EIF2AK2: variants seen among roughly 807,000 people sequenced by gnomAD.
The protein encoded by EIF2AK2 is eukaryotic translation initiation factor 2 alpha kinase 2, also known as interferon-induced, double-stranded RNA-activated protein kinase.
A neutral mutation model predicts 70.5 loss-of-function variants in EIF2AK2; 40 were observed. The observed-to-expected ratio is 0.57, with a 90% CI of 0.44 to 0.74. The LOEUF is 0.74. EIF2AK2 is among the 30% of genes least tolerant of loss of function. The pLI is 0.00. For synonymous variants in EIF2AK2, 198 were observed against 220.9 expected (o/e 0.90, Z 0.92); for missense variants, 555 against 644.3 (o/e 0.86, Z 1.50).
In EIF2AK2 at chr2:37,107,274, T is replaced by C. The variant is rs1367065106; in HGVS notation, c.1655A>G (p.Ter552TrpextTer10). The change falls in exon 17 of 17, where the codon TAG (stop) becomes TGG (tryptophan). Residue 552 changes from the stop codon to tryptophan, a stop_lost. Transcript: ENST00000233057. ...GCAGGATACTTTTTCAGAAGGGCTCTAACATGTGTGTCGTTCATTTTTCTC... is the reference window on the plus strand; with the variant it reads ...GCAGGATACTTTTTCAGAAGGGCTCCAACATGTGTGTCGTTCATTTTTCTC... ...SPEKNERHTC[*>W] The C allele has an allele frequency of 6.2e-7, 1 of 1,611,216 alleles. No homozygotes were observed. The highest frequency in any genetic ancestry group is 8.5e-7 in the Non-Finnish European group (1 of 1,179,362).
At position 37,111,939 on chromosome 2, in the gene EIF2AK2, C is replaced by CTCTA. The variant is rs1218303490; in HGVS notation, c.1378-2645_1378-2644insTAGA. Among the ~76,000 whole-genome samples the CTCTA allele has an allele frequency of 1.9e-3, 236 of 121,664 alleles. 1 individual carries two copies. The highest frequency in any genetic ancestry group is 0.014 in the South Asian group (52 of 3,840). The allele number at this position is 121,664 out of a possible 152,430, so 79.8% of individuals were successfully genotyped here. On this transcript the variant is annotated intron_variant, in intron 14 of 16. Transcript: ENST00000233057. ...ATAATAAATCTCTCTCTCTCTCTCT[C>CTCTA]TATATATATATATATATAGATTTTG... is the stretch of plus-strand genomic sequence containing the variant.
chr2:37,111,874 AAAAAAT>A (rs1422675582), intron 14 of EIF2AK2, among the ~76,000 whole-genome samples: 7 of 43,260 alleles, frequency 1.6e-4, no homozygotes, highest in African/African-American at 5.0e-4. Flanking sequence ...AAAAAAAAAA[AAAAAAT>A]ATATATATAT....
intron 1 of EIF2AK2, among the ~76,000 whole-genome samples, chr2:37,155,831 C>T (rs1290293931): frequency 2.0e-5 from 3 of 151,570 alleles, no homozygotes; most frequent in East Asian, 1.9e-4. Context: ...GTCCCAGCTA[C>T]CTGGGAGGCT....
At chr2:37,141,107 A>T (rs1417401244) in intron 5 of EIF2AK2, among the ~76,000 whole-genome samples, 1 of 152,204 alleles carries the variant, frequency 6.6e-6, no homozygotes, top group Non-Finnish European at 1.5e-5. Flanking sequence ...GATACATGGT[A>T]TTTGTTCATT....
At chr2:37,126,157 T>G in intron 11 of EIF2AK2, 132 bp downstream of exon 11, 4 of 1,237,346 alleles carry the variant, frequency 3.2e-6, no homozygotes, top group Non-Finnish European at 4.3e-6. Flanking sequence ...CTCCTCTTGG[T>G]AGAATGAAAT....
chr2:37,138,595 A>C lies in EIF2AK2; in HGVS notation c.517-10T>G. 6.2e-7 allele frequency: 1 copy of C among 1,613,794 alleles called. No individual in the cohort carries two copies. The highest frequency in any genetic ancestry group is 1.3e-5 in the African/African-American group (1 of 75,060). ...ACAGGTAGTCAGATTTCTGAAAGAA[A>C]AAGTATCCCTTAGTAGGCTTAAATA... On this transcript the variant is annotated splice_polypyrimidine_tract_variant and intron_variant, in intron 6 of 16. Transcript: ENST00000233057.
chr2:37,155,273 C>T (rs193301271), intron 1 of EIF2AK2, among the ~76,000 whole-genome samples: 148 of 152,306 alleles, frequency 9.7e-4, no homozygotes, highest in Non-Finnish European at 1.3e-3. Context: ...ACAGGCTCTT[C>T]CACAGTGCTC....
At chr2:37,129,281 G>C (rs1674857588) in intron 10 of EIF2AK2, among the ~76,000 whole-genome samples, 1 of 152,068 alleles carries the variant, frequency 6.6e-6, no homozygotes, top group Non-Finnish European at 1.5e-5. Context: ...CACCTCTCCA[G>C]GAGTCTGTTT....
chr2:37,122,355 C>T, intron 12 of EIF2AK2, 151 bp downstream of exon 12: 2 of 901,690 alleles, frequency 2.2e-6, no homozygotes, highest in East Asian at 2.8e-5. Flanking sequence ...TCACTTTCTC[C>T]TTACCTTCGG....
chr2:37,143,464 G>A (rs928581608), intron 4 of EIF2AK2, among the ~76,000 whole-genome samples: 3 of 152,000 alleles, frequency 2.0e-5, no homozygotes, highest in African/African-American at 2.4e-5. Flanking sequence ...CTATATCCAC[G>A]GGTTTCAAAT....
intron 13 of EIF2AK2, among the ~76,000 whole-genome samples, chr2:37,118,080 G>C (rs1178916026): frequency 6.6e-6 from 1 of 152,068 alleles, no homozygotes; most frequent in East Asian, 1.9e-4. Flanking sequence ...GGCTGAGGCA[G>C]GAGGATCACT....
intron 10 of EIF2AK2, among the ~76,000 whole-genome samples, chr2:37,127,026 T>C (rs1277438719): frequency 2.7e-5 from 2 of 75,336 alleles, no homozygotes; most frequent in Non-Finnish European, 5.7e-5. Flanking sequence ...CTATCACAAA[T>C]ACAAAATGTT....
At chr2:37,148,635 A>G in intron 2 of EIF2AK2, 1 of 840,204 alleles carries the variant, frequency 1.2e-6, no homozygotes, top group South Asian at 1.3e-5. Flanking sequence ...TTGTCATCAA[A>G]TGACATGCTT....
chr2:37,150,338 AT>A, intron 1 of EIF2AK2, among the ~76,000 whole-genome samples: 1 of 152,240 alleles, frequency 6.6e-6, no homozygotes, highest in East Asian at 1.9e-4. Context: ...GGCAATCCCT[AT>A]TCAAACTACT....
chr2:37,137,167 C>A, intron 8 of EIF2AK2, 150 bp from the exon 9 acceptor site: 1 of 560,914 alleles, frequency 1.8e-6, no homozygotes. Context: ...TGTATCAACA[C>A]TTAGTATTGT....
intron 11 of EIF2AK2, 145 bp from the exon 12 acceptor site, chr2:37,122,809 G>T: frequency 9.6e-7 from 1 of 1,043,682 alleles, no homozygotes; most frequent in Non-Finnish European, 1.4e-6. Context: ...TGGAAGCCAG[G>T]ACATTCAAAA....
Position 37,107,258 on chromosome 2 carries a change from T to C in EIF2AK2, c.*15A>G. On this transcript the variant is annotated 3_prime_UTR_variant, in exon 17 of 17. Coordinates refer to ENST00000233057, the MANE Select transcript of EIF2AK2 (RefSeq NM_001135651.3). ...AAACTGCATATCAGAAGCAGGATACTTTTTCAGAAGGGCTCTAACATGTGT... is the reference window on the plus strand; with the variant it reads ...AAACTGCATATCAGAAGCAGGATACCTTTTCAGAAGGGCTCTAACATGTGT... 1 of 1,603,552 alleles carries C rather than the reference T, an allele frequency of 6.2e-7. No homozygotes were observed. The highest frequency in any genetic ancestry group is 1.7e-5 in the Admixed American group (1 of 57,806).
At chr2:37,138,453 T>C (rs1453064977) in intron 7 of EIF2AK2, 56 bp downstream of exon 7, 1 of 1,605,210 alleles carries the variant, frequency 6.2e-7, no homozygotes, top group African/African-American at 1.3e-5. Context: ...TAAAAATCTG[T>C]CTTTCAGACA....
At chr2:37,113,912 G>C (rs1183909718) in intron 14 of EIF2AK2, among the ~76,000 whole-genome samples, 1 of 152,156 alleles carries the variant, frequency 6.6e-6, no homozygotes, top group Non-Finnish European at 1.5e-5. Context: ...AATTAAGTTT[G>C]AAATGCACTG....
Sources: gnomAD v4.1 joint callset for allele counts (sites outside exome capture counted in the v4.1 genomes callset) on GRCh38, gnomAD v4.1.1 for gene constraint, MANE v1.5 for transcripts, NCBI Gene and HGNC (gene_info 2026-07-23, HGNC 2026-07-21) for gene names.